KIAA0513: variants seen among roughly 807,000 people sequenced by gnomAD.
KIAA0513 encodes the protein uncharacterized protein KIAA0513.
A neutral mutation model predicts 56.5 loss-of-function variants in KIAA0513; 39 were observed. That is an observed-to-expected ratio of 0.69 (90% CI 0.53 to 0.90). The LOEUF (loss-of-function observed/expected upper bound fraction) is 0.90, where lower values mean the gene tolerates loss of function less well. KIAA0513 is among the 40% of genes least tolerant of loss of function. The probability of loss-of-function intolerance (pLI) is 0.00; values close to 1 mark genes in which losing one functional copy is unlikely to be tolerated. For synonymous variants in KIAA0513, 268 were observed against 215.6 expected, an observed-to-expected ratio of 1.24 and a Z score of -2.13; for missense variants, 591 against 535.2, an observed-to-expected ratio of 1.10 and a Z score of -1.03.
chr16:85,060,347 T>C (rs1050694792), intron 1 of KIAA0513, among the ~76,000 whole-genome samples: 9 of 152,112 alleles, frequency 5.9e-5, no homozygotes, highest in African/African-American at 2.2e-4. Context: ...GTTGGCAAAC[T>C]AGGTACTTTA....
At chr16:85,067,460 C>A (rs1330173994) in intron 2 of KIAA0513, 60 bp downstream of exon 2, 2 of 1,344,218 alleles carry the variant, frequency 1.5e-6, no homozygotes, top group Non-Finnish European at 2.0e-6. Context: ...GGGGACTCGC[C>A]TCCTGCTCTC....
In KIAA0513 at chr16:85,086,903, C is replaced by T. The variant is rs527607560; in HGVS notation, c.1092-169C>T. On this transcript the variant is annotated intron_variant, in intron 11 of 12. Coordinates refer to ENST00000683363, the MANE Select transcript of KIAA0513 (RefSeq NM_001388359.1). Reference sequence around the variant, plus strand: ...CGCCTCCTACACGACCCCTGGTGGCCACAGTGCCACAGTGAGAGTTGCTGG... The same window carrying T: ...CGCCTCCTACACGACCCCTGGTGGCTACAGTGCCACAGTGAGAGTTGCTGG... 2.5e-5 allele frequency: 20 copies of T among 808,846 alleles called. No homozygotes were observed. The East Asian group carries it at 5.1e-4, about 21-fold the overall frequency. 50.1% of individuals were successfully genotyped at this position (808,846 alleles called of 1,614,324 possible).
intron 9 of KIAA0513, 115 bp from the exon 10 acceptor site, chr16:85,082,449 C>A (rs1393429171): frequency 1.0e-5 from 10 of 969,718 alleles, no homozygotes; most frequent in Non-Finnish European, 6.5e-6. Context: ...CTTTCTCTGT[C>A]CCGCTCCGTT....
intron 6 of KIAA0513, 92 bp from the exon 7 acceptor site, chr16:85,078,323 C>A: frequency 7.3e-7 from 1 of 1,371,866 alleles, no homozygotes; most frequent in Non-Finnish European, 1.0e-6. Context: ...TAAATGTACC[C>A]AGTCCCACCT....
chr16:85,074,598 C>T (rs923635704), intron 4 of KIAA0513, among the ~76,000 whole-genome samples: 1 of 152,304 alleles, frequency 6.6e-6, no homozygotes, highest in South Asian at 2.1e-4. Context: ...ATTTTTCCTG[C>T]TCTTGCTCAG....
At chr16:85,087,211 G>A (rs773358509) in intron 12 of KIAA0513, 45 bp downstream of exon 12, 32 of 1,512,338 alleles carry the variant, frequency 2.1e-5, no homozygotes, top group Non-Finnish European at 2.8e-5. Context: ...CAGGGCTGGG[G>A]TCAGGAGCCA....
chr16:85,047,174 C>T (rs1338407607), intron 1 of KIAA0513, among the ~76,000 whole-genome samples: 1 of 152,212 alleles, frequency 6.6e-6, no homozygotes, highest in Non-Finnish European at 1.5e-5. Flanking sequence ...CCTTTGTCCA[C>T]TCTTCAGATC....
intron 1 of KIAA0513, among the ~76,000 whole-genome samples, chr16:85,041,059 C>G (rs2073098416): frequency 6.6e-6 from 1 of 152,144 alleles, no homozygotes; most frequent in Admixed American, 6.5e-5. Context: ...TTAAGGTCCC[C>G]TAAATAAGAA....
chr16:85,028,672 A>C (rs2072921864), intron 1 of KIAA0513, among the ~76,000 whole-genome samples: 1 of 149,972 alleles, frequency 6.7e-6, no homozygotes, highest in Non-Finnish European at 1.5e-5. Flanking sequence ...GGTTGATTAG[A>C]CTTGGGAAGA....
chr16:85,053,119 C>T (rs1341264286), intron 1 of KIAA0513, among the ~76,000 whole-genome samples: 1 of 152,156 alleles, frequency 6.6e-6, no homozygotes, highest in African/African-American at 2.4e-5. Context: ...GAACTCCTGA[C>T]CTCAGGTGAT....
At chr16:85,039,024 C>G (rs186499101) in intron 1 of KIAA0513, among the ~76,000 whole-genome samples, 2 of 152,234 alleles carry the variant, frequency 1.3e-5, no homozygotes, top group Admixed American at 1.3e-4. Flanking sequence ...TTTTTTTGCT[C>G]TCTGACTAGG....
At chr16:85,077,685 G>C in intron 6 of KIAA0513, 53 bp downstream of exon 6, 1 of 1,414,586 alleles carries the variant, frequency 7.1e-7, no homozygotes, top group Non-Finnish European at 9.7e-7. Flanking sequence ...GGAGAGGCTG[G>C]TGTGGAGCTC....
At chr16:85,033,343 G>C (rs2072992278) in intron 1 of KIAA0513, among the ~76,000 whole-genome samples, 1 of 152,200 alleles carries the variant, frequency 6.6e-6, no homozygotes, top group Non-Finnish European at 1.5e-5. Flanking sequence ...TTCAGGTCAG[G>C]ATGCAGGGTT....
At chr16:85,062,652 T>C (rs2073422716) in intron 1 of KIAA0513, among the ~76,000 whole-genome samples, 1 of 152,138 alleles carries the variant, frequency 6.6e-6, no homozygotes, top group Non-Finnish European at 1.5e-5. Flanking sequence ...TTGAAATAAA[T>C]TTAAATTAGT....
intron 1 of KIAA0513, among the ~76,000 whole-genome samples, chr16:85,055,711 TCTC>T (rs774358694): frequency 1.1e-4 from 17 of 152,170 alleles, no homozygotes; most frequent in Non-Finnish European, 2.4e-4. Flanking sequence ...TCCGCCACCT[TCTC>T]CTTTTGAAAT....
At chr16:85,056,683 T>C (rs62049873) in intron 1 of KIAA0513, among the ~76,000 whole-genome samples, 52 of 152,266 alleles carry the variant, frequency 3.4e-4, no homozygotes, top group Admixed American at 1.3e-3. Flanking sequence ...CTCTGCTCAA[T>C]TGCCCAATTA....
At position 85,093,242 on chromosome 16, in the gene KIAA0513, G is replaced by T. The variant is rs1429172006; in HGVS notation, c.*4917G>T. 1 of 148,194 alleles carries T rather than the reference G, an allele frequency of 6.7e-6. No individual in the cohort carries two copies. Among genetic ancestry groups the T allele is most frequent in the Non-Finnish European group, 1.5e-5 (1 of 67,378 alleles). 9.2% of individuals were successfully genotyped at this position (148,194 alleles called of 1,614,324 possible). A position where few individuals can be genotyped will look rare whatever the true frequency, so the allele number is the denominator to read the frequency against. ...GGCCACGGGATTTCAGTGGGACAGC[G>T]CTCCCACAGGGGCTGGGGGTGGGGG... On this transcript the variant is annotated 3_prime_UTR_variant, in exon 13 of 13. Coordinates refer to ENST00000683363, the MANE Select transcript of KIAA0513 (RefSeq NM_001388359.1).
chr16:85,078,442 G>C lies in KIAA0513; in HGVS notation c.810G>C (p.Lys270Asn). Residue 270 changes from lysine to asparagine, a missense_variant, in exon 7 of 13, where the codon AAG (lysine) becomes AAC (asparagine). By Grantham distance (94) the Lys-to-Asn change is moderately conservative. Transcript: ENST00000683363. ...NEEDENKPQEKRPRAVTAYSP... is the reference protein window; with the variant it reads ...NEEDENKPQENRPRAVTAYSP... ...AAGACGAGAACAAACCCCAGGAGAA[G>C]CGGCCCAGGGCTGGTGAGTCTGCCC... 1 of 1,613,808 alleles carries C rather than the reference G, an allele frequency of 6.2e-7. No homozygotes were observed. Among genetic ancestry groups the C allele is most frequent in the Non-Finnish European group, 8.5e-7 (1 of 1,180,010 alleles).
At chr16:85,054,957 C>G in intron 1 of KIAA0513, among the ~76,000 whole-genome samples, 1 of 152,112 alleles carries the variant, frequency 6.6e-6, no homozygotes, top group Non-Finnish European at 1.5e-5. Flanking sequence ...GGGTCTCTCT[C>G]TGTTACAAAG....
Sources: gnomAD v4.1 joint callset for allele counts (sites outside exome capture counted in the v4.1 genomes callset) on GRCh38, gnomAD v4.1.1 for gene constraint, MANE v1.5 for transcripts, NCBI Gene and HGNC (gene_info 2026-07-23, HGNC 2026-07-21) for gene names.